ACTL6A: variants seen among roughly 807,000 people sequenced by gnomAD.
ACTL6A encodes the protein actin-like protein 6A.
A neutral mutation model predicts 59.2 loss-of-function variants in ACTL6A; 5 were observed. That is an observed-to-expected ratio of 0.08 (90% confidence interval 0.04 to 0.18). ACTL6A has a LOEUF of 0.18. ACTL6A is among the 10% of genes least tolerant of loss of function. The pLI is 1.00. For missense variants in ACTL6A, 285 were observed against 526.9 expected, an observed-to-expected ratio of 0.54 and a Z score of 4.49; for synonymous variants, 154 against 171.8, an observed-to-expected ratio of 0.90 and a Z score of 0.81.
At chr3:179,579,257 A>G (rs1192612445) in intron 8 of ACTL6A, among the ~76,000 whole-genome samples, 1 of 151,960 alleles carries the variant, frequency 6.6e-6, no homozygotes, top group Non-Finnish European at 1.5e-5. Flanking sequence ...TCCTTATAGA[A>G]GCTAGGTATT....
chr3:179,573,982 C>A (rs1359272806), intron 4 of ACTL6A, among the ~76,000 whole-genome samples: 1 of 152,100 alleles, frequency 6.6e-6, no homozygotes, highest in Non-Finnish European at 1.5e-5. Context: ...TTACAGTATT[C>A]TTTTATGAAT....
intron 12 of ACTL6A, among the ~76,000 whole-genome samples, chr3:179,584,734 G>C (rs1026637877): frequency 6.6e-6 from 1 of 152,084 alleles, no homozygotes; most frequent in African/African-American, 2.4e-5. Flanking sequence ...GCAGTAAGCC[G>C]AGATCATGCC....
chr3:179,564,618 A>G (rs1460410553), intron 1 of ACTL6A, among the ~76,000 whole-genome samples: 1 of 152,206 alleles, frequency 6.6e-6, no homozygotes, highest in Admixed American at 6.5e-5. Flanking sequence ...GAACAGATGT[A>G]AAATTCTGAG....
Position 179,588,068 on chromosome 3 carries a change from A to G in ACTL6A, c.*58A>G, listed in dbSNP as rs1240226617. 2 of 1,287,344 alleles carry G rather than the reference A, an allele frequency of 1.6e-6. No homozygotes were observed. The highest frequency in any genetic ancestry group is 2.2e-6 in the Non-Finnish European group (2 of 929,690). The allele number at this position is 1,287,344 out of a possible 1,614,324, so 79.7% of individuals were successfully genotyped here. A position where few individuals can be genotyped will look rare whatever the true frequency, so the allele number is the denominator to read the frequency against. On this transcript the variant is annotated 3_prime_UTR_variant, in exon 14 of 14. Coordinates refer to ENST00000429709, the MANE Select transcript of ACTL6A (RefSeq NM_004301.5). ...TCACCTTACGTTTCATAGCTTTAGT[A>G]TACTCAGGAAAAGAATGACCATCTT...
chr3:179,576,512 G>T, intron 6 of ACTL6A, 108 bp from the exon 7 acceptor site: 1 of 927,956 alleles, frequency 1.1e-6, no homozygotes, highest in South Asian at 1.6e-5. Context: ...GGATAGTTCA[G>T]TTCATTCTAC....
chr3:179,581,136 G>T lies in ACTL6A; in HGVS notation c.946-4G>T. 1 of 1,613,770 alleles carries T rather than the reference G, an allele frequency of 6.2e-7. No individual in the cohort carries two copies. The highest frequency in any genetic ancestry group is 8.5e-7 in the Non-Finnish European group (1 of 1,179,702). On this transcript the variant is annotated splice_region_variant and splice_polypyrimidine_tract_variant and intron_variant, in intron 10 of 13. Coordinates refer to ENST00000429709, the MANE Select transcript of ACTL6A (RefSeq NM_004301.5). ...ATGTGACTACTTGTTTTCTTTTGTT[G>T]TAGGGGTTATCAGGAAACACAATGT... is the stretch of plus-strand genomic sequence containing the variant.
At chr3:179,587,854 C>T in intron 13 of ACTL6A, 76 bp from the exon 14 acceptor site, 1 of 1,046,172 alleles carries the variant, frequency 9.6e-7, no homozygotes, top group South Asian at 1.7e-5. Context: ...GACCTTCTCT[C>T]AAAAAAAAAA....
intron 5 of ACTL6A, 95 bp downstream of exon 5, chr3:179,574,562 G>T: frequency 4.4e-6 from 4 of 906,248 alleles, no homozygotes; most frequent in Non-Finnish European, 7.0e-6. Context: ...ATTATTGCTT[G>T]TTCCGAAGTT....
intron 7 of ACTL6A, 31 bp downstream of exon 7, chr3:179,576,757 C>G: frequency 6.2e-7 from 1 of 1,608,098 alleles, no homozygotes; most frequent in South Asian, 1.1e-5. Flanking sequence ...CTTTGTAGAA[C>G]TTACTTCTAG....
intron 4 of ACTL6A, 34 bp downstream of exon 4, chr3:179,573,503 AGTT>A (rs779757863): frequency 7.6e-7 from 1 of 1,310,154 alleles, no homozygotes; most frequent in Non-Finnish European, 1.0e-6. Flanking sequence ...ACGTTTCTCT[AGTT>A]GTTTTTTTTT....
intron 12 of ACTL6A, 151 bp downstream of exon 12, chr3:179,583,599 G>A (rs1025681320): frequency 3.6e-5 from 19 of 528,584 alleles, no homozygotes; most frequent in Middle Eastern, 5.1e-4. Flanking sequence ...TCCTTTAATC[G>A]TTTTCCTAGT....
chr3:179,574,552 A>G (rs772787385), intron 5 of ACTL6A, 85 bp downstream of exon 5: 1 of 957,452 alleles, frequency 1.0e-6, no homozygotes, highest in African/African-American at 1.6e-5. Context: ...ACATACGCCA[A>G]TTATTGCTTG....
At chr3:179,568,573 G>A (rs2108355128) in intron 1 of ACTL6A, among the ~76,000 whole-genome samples, 1 of 149,894 alleles carries the variant, frequency 6.7e-6, no homozygotes, top group South Asian at 2.1e-4. Context: ...GTGTATATAT[G>A]TATGTGTATA....
chr3:179,584,253 AAG>A (rs2108370537), intron 12 of ACTL6A: 1 of 152,366 alleles, frequency 6.6e-6, no homozygotes, highest in African/African-American at 2.4e-5. Context: ...TAACTTTTAA[AAG>A]AATAGAAAAA....
chr3:179,576,423 A>AT (rs1261660467), intron 6 of ACTL6A, 112 bp downstream of exon 6: 25 of 929,254 alleles, frequency 2.7e-5, no homozygotes, highest in Non-Finnish European at 3.7e-5. Context: ...TCTGAATAAG[A>AT]TTTTTTTTAA....
chr3:179,565,607 G>A (rs953596493), intron 1 of ACTL6A, among the ~76,000 whole-genome samples: 3 of 149,652 alleles, frequency 2.0e-5, no homozygotes, highest in Admixed American at 1.4e-4. Flanking sequence ...GGATGATGGA[G>A]GAGGAGTGGA....
chr3:179,568,244 G>T (rs1189152851), intron 1 of ACTL6A, among the ~76,000 whole-genome samples: 1 of 151,378 alleles, frequency 6.6e-6, no homozygotes, highest in Non-Finnish European at 1.5e-5. Flanking sequence ...GCAAAGTAAT[G>T]GGTTTGATTT....
intron 4 of ACTL6A, 37 bp from the exon 5 acceptor site, chr3:179,574,333 C>T (rs1261111537): frequency 7.4e-7 from 1 of 1,351,108 alleles, no homozygotes; most frequent in East Asian, 2.3e-5. Context: ...CTTTTTAATT[C>T]TTAATAACTT....
Position 179,587,962 on chromosome 3 carries a change from A to G in ACTL6A, c.1242A>G (p.Gln414=), listed in dbSNP as rs775222993. ...TTCAACAGATGTGGATTTCCAAGCA[A>G]GAATATGAAGAAGGAGGGAAGCAGT... ...GTFQQMWISK[Q]EYEEGGKQCV... Residue 414 remains glutamine (Q), a synonymous_variant, in exon 14 of 14, where the codon CAA becomes CAG. Coordinates refer to ENST00000429709, the MANE Select transcript of ACTL6A (RefSeq NM_004301.5). 2 of 1,607,446 alleles carry G rather than the reference A, an allele frequency of 1.2e-6. No individual in the cohort carries two copies. Among genetic ancestry groups the G allele is most frequent in the South Asian group, 2.2e-5 (2 of 89,394 alleles).
Sources: allele counts gnomAD v4.1 joint callset (sites outside exome capture counted in the v4.1 genomes callset), GRCh38; gene constraint gnomAD v4.1.1; transcripts MANE v1.5; gene names NCBI Gene and HGNC (gene_info 2026-07-23, HGNC 2026-07-21).